Variants in UTRN observed in about 807,000 individuals in gnomAD.
UTRN encodes utrophin.
A neutral mutation model predicts 463.9 loss-of-function variants in UTRN; 283 were observed. The ratio of observed to expected loss-of-function variants is 0.61; its 90% CI spans 0.55 to 0.67. The LOEUF (loss-of-function observed/expected upper bound fraction) is 0.67. Among genes scored for constraint, UTRN ranks in the 30% least tolerant of loss-of-function variants. The pLI is 0.00. For synonymous variants in UTRN, 1,442 were observed against 1,431.5 expected, an observed-to-expected ratio of 1.01 and a Z score of -0.17; for missense variants, 3,922 against 4,084.3, an observed-to-expected ratio of 0.96 and a Z score of 1.08.
Position 144,831,053 on chromosome 6 carries a change from T to G in UTRN, c.9665+2198T>G, listed in dbSNP as rs556422096. Among the ~76,000 whole-genome samples the G allele has an allele frequency of 5.3e-5, 8 of 152,268 alleles. No individual in the cohort carries two copies. The South Asian group carries it at 1.5e-3, about 28-fold the overall frequency. On this transcript the variant is annotated intron_variant, in intron 69 of 74. Transcript: ENST00000367545. ...GACCGCCATGCACCCAATACTGCAA[T>G]AGGTCTATAGATGCAGATACTGTCT... is the stretch of plus-strand genomic sequence containing the variant.
intron 50 of UTRN, among the ~76,000 whole-genome samples, chr6:144,573,090 T>G (rs1219214479): frequency 1.3e-5 from 2 of 152,232 alleles, no homozygotes; most frequent in African/African-American, 2.4e-5. Flanking sequence ...ATTGCCATTC[T>G]AACTGGTGTG....
chr6:144,781,366 G>C (rs1392381886), intron 60 of UTRN, among the ~76,000 whole-genome samples: 2 of 152,178 alleles, frequency 1.3e-5, no homozygotes, highest in Non-Finnish European at 2.9e-5. Flanking sequence ...TGATTCAGCA[G>C]GCAGTGGAGA....
chr6:144,435,244 T>C (rs571311930), intron 9 of UTRN, among the ~76,000 whole-genome samples: 84 of 152,322 alleles, frequency 5.5e-4, no homozygotes, highest in African/African-American at 1.9e-3. Flanking sequence ...AATCTTGCTC[T>C]GAAAGGGAAC....
intron 23 of UTRN, among the ~76,000 whole-genome samples, chr6:144,464,928 T>G (rs1789787584): frequency 6.6e-6 from 1 of 152,242 alleles, no homozygotes; most frequent in Non-Finnish European, 1.5e-5. Context: ...CATTGTATTA[T>G]CAGTGATTCT....
rs1242160179 is a variant in UTRN, at chr6:144,703,450, C to T, written c.7809+3207C>T. On this transcript the variant is annotated intron_variant, in intron 53 of 74. Coordinates refer to ENST00000367545, the MANE Select transcript of UTRN (RefSeq NM_007124.3). Reference sequence around the variant, plus strand: ...TCAGCCCTGGGATTGGATGAGATCACCTATAGGGAGAGATTGTATGTGATT... The same window carrying T: ...TCAGCCCTGGGATTGGATGAGATCATCTATAGGGAGAGATTGTATGTGATT... Among the ~76,000 whole-genome samples the T allele has an allele frequency of 4.6e-5, 7 of 152,026 alleles. No individual in the cohort carries two copies. The East Asian group carries it at 1.2e-3, about 25-fold the overall frequency.
At chr6:144,461,158 A>G in intron 21 of UTRN, 39 bp from the exon 22 acceptor site, 1 of 1,522,126 alleles carries the variant, frequency 6.6e-7, no homozygotes, top group Non-Finnish European at 8.9e-7. Context: ...ATTGGTTCCT[A>G]ATATGATTTT....
intron 51 of UTRN, among the ~76,000 whole-genome samples, chr6:144,661,740 G>T (rs1382387373): frequency 6.6e-6 from 1 of 152,116 alleles, no homozygotes; most frequent in Non-Finnish European, 1.5e-5. Flanking sequence ...CAGTAATTGT[G>T]GGCAATAGCT....
intron 71 of UTRN, among the ~76,000 whole-genome samples, chr6:144,837,592 T>C (rs893071497): frequency 2.6e-5 from 4 of 152,200 alleles, no homozygotes; most frequent in Non-Finnish European, 4.4e-5. Context: ...CTATGTGATA[T>C]AATAGGAGTG....
At chr6:144,703,510 C>A (rs1784792491) in intron 53 of UTRN, among the ~76,000 whole-genome samples, 1 of 152,012 alleles carries the variant, frequency 6.6e-6, no homozygotes, top group Non-Finnish European at 1.5e-5. Flanking sequence ...AAGAAATGAG[C>A]CCTGAGGAGC....
intron 73 of UTRN, among the ~76,000 whole-genome samples, chr6:144,843,078 C>G (rs1004985373): frequency 1.3e-5 from 2 of 152,072 alleles, no homozygotes; most frequent in Admixed American, 1.3e-4. Flanking sequence ...TCATCATAGT[C>G]TTTATGAGCC....
intron 51 of UTRN, among the ~76,000 whole-genome samples, chr6:144,638,799 A>G (rs1777461999): frequency 6.6e-6 from 1 of 152,200 alleles, no homozygotes; most frequent in African/African-American, 2.4e-5. Context: ...GTTATTGCTT[A>G]TAATCCTTTT....
At chr6:144,310,238 A>C (rs535201725) in intron 2 of UTRN, among the ~76,000 whole-genome samples, 5 of 152,188 alleles carry the variant, frequency 3.3e-5, no homozygotes, top group Non-Finnish European at 5.9e-5. Flanking sequence ...CCATCTCTAC[A>C]AAAGATATAA....
chr6:144,457,700 T>C (rs922657985), intron 19 of UTRN, among the ~76,000 whole-genome samples: 4 of 152,194 alleles, frequency 2.6e-5, no homozygotes, highest in Admixed American at 6.5e-5. Context: ...TGATATGCCC[T>C]CATTTATGAT....
At chr6:144,678,368 C>T in intron 51 of UTRN, 38 bp from the exon 52 acceptor site, 1 of 1,586,604 alleles carries the variant, frequency 6.3e-7, no homozygotes, top group Middle Eastern at 1.7e-4. Context: ...ATACTGATTC[C>T]TAACACTTGC....
At chr6:144,291,240 T>C (rs537118011) in intron 1 of UTRN, among the ~76,000 whole-genome samples, 2 of 152,356 alleles carry the variant, frequency 1.3e-5, no homozygotes, top group South Asian at 4.1e-4. Flanking sequence ...CAGGTACACT[T>C]GTCTCTTGGC....
rs373761383 is a variant in UTRN, at chr6:144,511,590, T to C, written c.4944+467T>C. 1.1e-4 allele frequency among the ~76,000 whole-genome samples: 17 copies of C among 152,340 alleles called. No individual in the cohort carries two copies. The South Asian group carries it at 1.2e-3, about 11-fold the overall frequency. On this transcript the variant is annotated intron_variant, in intron 35 of 74. Coordinates refer to ENST00000367545, the MANE Select transcript of UTRN (RefSeq NM_007124.3). ...CTCTAAACCTCAGTTGTTTAATTTG[T>C]AAAATGGACATTATTATATCTATCT...
intron 51 of UTRN, among the ~76,000 whole-genome samples, chr6:144,583,818 T>A (rs1323013860): frequency 6.6e-6 from 1 of 152,200 alleles, no homozygotes; most frequent in Non-Finnish European, 1.5e-5. Flanking sequence ...ATTGACACAA[T>A]CTTGTCTTCT....
intron 53 of UTRN, among the ~76,000 whole-genome samples, chr6:144,721,357 T>C (rs1454793964): frequency 2.6e-5 from 4 of 152,162 alleles, no homozygotes. Flanking sequence ...TATAGGTGCA[T>C]GCCACAATGC....
In UTRN at chr6:144,440,391, A is replaced by T; in HGVS notation, c.1432A>T (p.Asn478Tyr). The T allele has an allele frequency of 1.2e-6, 2 of 1,614,174 alleles. No homozygotes were observed. The highest frequency in any genetic ancestry group is 1.7e-6 in the Non-Finnish European group (2 of 1,180,024). The change falls in exon 13 of 75, where the codon AAT becomes TAT. Residue 478 changes from asparagine (N) to tyrosine (Y), a missense_variant. By Grantham distance (143) the Asn-to-Tyr change is moderately radical. Coordinates refer to ENST00000367545, the MANE Select transcript of UTRN (RefSeq NM_007124.3). ...SDLEAEQVKV[N>Y]SLTHMVVIVD... ...TCTTGAGGCTGAACAGGTGAAAGTA[A>T]ATTCACTAACTCACATGGTGGTCAT... is the stretch of plus-strand genomic sequence containing the variant.
Sources: allele counts gnomAD v4.1 joint callset (sites outside exome capture counted in the v4.1 genomes callset), GRCh38; gene constraint gnomAD v4.1.1; transcripts MANE v1.5; gene names NCBI Gene and HGNC (gene_info 2026-07-23, HGNC 2026-07-21).